Variants in RFC5 observed in about 807,000 individuals in gnomAD.
The protein encoded by RFC5 is replication factor C subunit 5.
In RFC5, 26 loss-of-function variants were observed where a neutral mutation model predicts 44.3. The ratio of observed to expected loss-of-function variants is 0.59; its 90% CI spans 0.43 to 0.81. The LOEUF (loss-of-function observed/expected upper bound fraction) is 0.81. RFC5 is among the 40% of genes least tolerant of loss of function. The probability of loss-of-function intolerance (pLI) is 0.00; values close to 1 mark genes in which losing one functional copy is unlikely to be tolerated. For missense variants in RFC5, 328 were observed against 418.6 expected, an observed-to-expected ratio of 0.78 and a Z score of 1.89; for synonymous variants, 155 against 155.2, an observed-to-expected ratio of 1.00 and a Z score of 0.01.
At chr12:118,039,205 G>C in the RFC5 span, among the ~76,000 whole-genome samples, 5 of 152,188 alleles carry the variant, frequency 3.3e-5, no homozygotes, top group African/African-American at 1.2e-4. Context: ...ACATTCTAGA[G>C]TCAGACAGCT....
intron 5 of RFC5, among the ~76,000 whole-genome samples, chr12:118,024,145 T>A (rs144586381): frequency 6.6e-6 from 1 of 151,792 alleles, no homozygotes; most frequent in Non-Finnish European, 1.5e-5. Context: ...ATCGAGACCA[T>A]CCTGGCTAAC....
At chr12:118,025,726 C>T in intron 6 of RFC5, 21 bp from the exon 7 acceptor site, 1 of 1,501,168 alleles carries the variant, frequency 6.7e-7, no homozygotes. Context: ...CTCATAAATC[C>T]CTTTTGCTTA....
Position 118,027,953 on chromosome 12 carries a change from A to G in RFC5, c.794A>G (p.Asn265Ser). The G allele has an allele frequency of 6.3e-7, 1 of 1,596,298 alleles. No individual in the cohort carries two copies. ...CCCTTTGCCTTAACTGCTCCTCTAG[A>G]TATTACAGAGTTGAAAACTCTGAAG... ...LNQDFTTAYR[N>S]ITELKTLKGL... Residue 265 changes from asparagine to serine, a missense_variant and splice_region_variant, in exon 9 of 11, where the codon AAT (asparagine) becomes AGT (serine). By Grantham distance (46) the Asn-to-Ser change is conservative (BLOSUM62 1). Coordinates refer to ENST00000454402, the MANE Select transcript of RFC5 (RefSeq NM_007370.7).
chr12:118,016,861 C>A lies in RFC5; in HGVS notation c.34C>A (p.Pro12Thr). ...CTCAGCACTCAAGCAGCAGGAGCAG[C>A]CCGCGGCGACCAAGATCAGGAACCT... ...ETSALKQQEQ[P>T]AATKIRNLPW... Residue 12 changes from proline (P) to threonine (T), a missense_variant, in exon 1 of 11, where the codon CCC becomes ACC. Transcript: ENST00000454402. 6.2e-7 allele frequency: 1 copy of A among 1,613,504 alleles called. No homozygotes were observed. The highest frequency in any genetic ancestry group is 8.5e-7 in the Non-Finnish European group (1 of 1,179,792).
At chr12:118,025,944 G>C in intron 7 of RFC5, 116 bp downstream of exon 7, 1 of 645,932 alleles carries the variant, frequency 1.5e-6, no homozygotes, top group Non-Finnish European at 2.8e-6. Context: ...CGCCTCCTGG[G>C]TTCAAGCGAA....
downstream of RFC5, among the ~76,000 whole-genome samples, chr12:118,037,437 C>T (rs1278075765): frequency 1.3e-5 from 2 of 152,136 alleles, no homozygotes; most frequent in Middle Eastern, 3.4e-3. Context: ...GAGGCCCAGG[C>T]GGGCGGATCA....
chr12:118,031,127 A>G, intron 10 of RFC5, 55 bp from the exon 11 acceptor site: 1 of 1,283,488 alleles, frequency 7.8e-7, no homozygotes, highest in South Asian at 1.2e-5. Flanking sequence ...GTCCCTTAAG[A>G]AAAGGCAGCT....
In RFC5 at chr12:118,017,795, G is replaced by A. The variant is rs1025626558; in HGVS notation, c.65+903G>A. 1.5e-5 allele frequency: 10 copies of A among 664,610 alleles called. No homozygotes were observed. The East Asian group carries it at 2.1e-4, about 14-fold the overall frequency. 41.2% of individuals were successfully genotyped at this position (664,610 alleles called of 1,614,324 possible). A position where few individuals can be genotyped will look rare whatever the true frequency, so the allele number is the denominator to read the frequency against. On this transcript the variant is annotated intron_variant, in intron 1 of 10. Coordinates refer to ENST00000454402, the MANE Select transcript of RFC5 (RefSeq NM_007370.7). The stretch of plus-strand genomic sequence containing the variant: ...AAGCCATTCTCCTGCCTCAGCCTCC[G>A]AAGAACTGGGACTTTTAGAGGCGAG...
intron 1 of RFC5, 24 bp downstream of exon 1, chr12:118,016,916 G>T (rs757531862): frequency 1.2e-6 from 2 of 1,603,818 alleles, no homozygotes; most frequent in South Asian, 1.1e-5. Context: ...GAGCGGCGGC[G>T]GTGGGCAGAG....
chr12:118,022,398 A>G, intron 5 of RFC5, 39 bp downstream of exon 5: 2 of 1,358,412 alleles, frequency 1.5e-6, no homozygotes, highest in Non-Finnish European at 2.1e-6. Context: ...GCTGGTGTGC[A>G]CACTGGAAGG....
intron 4 of RFC5, among the ~76,000 whole-genome samples, chr12:118,021,399 C>T (rs1253537194): frequency 1.3e-5 from 2 of 151,794 alleles, no homozygotes; most frequent in South Asian, 2.1e-4. Context: ...TTTTAGTAGA[C>T]ATGGGGTTTT....
the RFC5 span, among the ~76,000 whole-genome samples, chr12:118,039,856 G>C: frequency 6.6e-6 from 1 of 151,494 alleles, no homozygotes; most frequent in Non-Finnish European, 1.5e-5. Context: ...CGATTCTCCT[G>C]CCTCAGCCTC....
chr12:118,029,909 AG>A (rs1354449762), intron 10 of RFC5, 84 bp downstream of exon 10: 8 of 1,067,268 alleles, frequency 7.5e-6, no homozygotes, highest in African/African-American at 1.6e-5. Context: ...TCTTGGTTTC[AG>A]GTTTTTTTCC....
intron 8 of RFC5, 148 bp downstream of exon 8, chr12:118,027,166 G>A: frequency 2.7e-6 from 2 of 737,858 alleles, no homozygotes; most frequent in Middle Eastern, 3.1e-4. Flanking sequence ...ATGTCTGTAG[G>A]TGGAGTGGGT....
At chr12:118,035,729 C>CA, downstream of RFC5, 1 of 182,882 alleles carries the variant, frequency 5.5e-6, no homozygotes, top group Non-Finnish European at 1.2e-5. Context: ...TTTTGGAAAG[C>CA]ACAGTTTCGA....
chr12:118,034,574 G>GCTCTCTCTCTCTCTCTCTCTCTCT (rs368693869), downstream of RFC5: 13,897 of 525,156 alleles, frequency 0.026, 262 homozygotes, highest in South Asian at 0.034. Context: ...ATACCAAAGC[G>GCTCTCTCTCTCTCTCTCTCTCTCT]CTCTCTCTGT....
downstream of RFC5, chr12:118,034,507 TGTG>T: frequency 1.0e-6 from 1 of 993,898 alleles, no homozygotes; most frequent in Middle Eastern, 2.6e-4. Flanking sequence ...GATGTAAAAT[TGTG>T]GTGCTGAATA....
chr12:118,037,951 G>GACC (rs1566136387), downstream of RFC5: 1 of 197,462 alleles, frequency 5.1e-6, no homozygotes, highest in African/African-American at 2.3e-5. Context: ...ATTCAAATTT[G>GACC]ATGGTTCAAA....
At chr12:118,018,076 T>C (rs1161531218) in intron 1 of RFC5, 1 of 694,872 alleles carries the variant, frequency 1.4e-6, no homozygotes, top group African/African-American at 1.7e-5. Flanking sequence ...CTACACTATG[T>C]GGCCTTTTGT....
Sources: allele counts gnomAD v4.1 joint callset (sites outside exome capture counted in the v4.1 genomes callset), GRCh38; gene constraint gnomAD v4.1.1; transcripts MANE v1.5; gene names NCBI Gene and HGNC (gene_info 2026-07-23, HGNC 2026-07-21).